Variants in RALYL observed in about 807,000 individuals in gnomAD.
RALYL encodes the protein RNA-binding Raly-like protein.
In RALYL, 29 loss-of-function variants were observed where a neutral mutation model predicts 35.1. The observed-to-expected ratio is 0.83, with a 90% CI of 0.61 to 1.13. The LOEUF (loss-of-function observed/expected upper bound fraction) is 1.13. Among genes scored for constraint, RALYL ranks in the 50% most tolerant of loss-of-function variants. The pLI is 0.00. For missense variants in RALYL, 359 were observed against 360.4 expected, an observed-to-expected ratio of 1.00 and a Z score of 0.03; for synonymous variants, 120 against 127.6, an observed-to-expected ratio of 0.94 and a Z score of 0.40.
intron 1 of RALYL, among the ~76,000 whole-genome samples, chr8:84,322,267 C>A (rs1418540474): frequency 1.3e-5 from 2 of 152,000 alleles, no homozygotes; most frequent in African/African-American, 2.4e-5. Context: ...ATTCTGTGCC[C>A]ATAACAGACC....
chr8:84,229,751 C>G (rs1419657318), intron 1 of RALYL, among the ~76,000 whole-genome samples: 3 of 152,136 alleles, frequency 2.0e-5, no homozygotes, highest in African/African-American at 7.2e-5. Flanking sequence ...CCTTGAGGTA[C>G]TTCTTGCCCA....
intron 2 of RALYL, among the ~76,000 whole-genome samples, chr8:84,539,856 ATATATATATATATATATATATG>A (rs1241402432): frequency 0.36 from 14,709 of 40,956 alleles, 1,012 homozygotes; most frequent in East Asian, 0.53. Context: ...ATATATATGT[ATATATATATATATATATATATG>A]TATATATATG....
intron 1 of RALYL, among the ~76,000 whole-genome samples, chr8:84,279,810 G>C (rs891497808): frequency 5.9e-5 from 9 of 151,972 alleles, no homozygotes; most frequent in African/African-American, 2.2e-4. Flanking sequence ...AGGGACTCTT[G>C]TGCTTATACT....
chr8:84,338,924 A>AT (rs1472443669), intron 1 of RALYL, among the ~76,000 whole-genome samples: 1 of 152,152 alleles, frequency 6.6e-6, no homozygotes, highest in Non-Finnish European at 1.5e-5. Context: ...CCCTTCAAAA[A>AT]CAAGTGTATA....
intron 1 of RALYL, among the ~76,000 whole-genome samples, chr8:84,504,688 TTAAGTAATG>T (rs2057009497): frequency 6.6e-6 from 1 of 152,146 alleles, no homozygotes; most frequent in Non-Finnish European, 1.5e-5. Context: ...TATTACATTG[TTAAGTAATG>T]TAAGCAAGTT....
chr8:84,317,289 C>T (rs1158441013), intron 1 of RALYL, among the ~76,000 whole-genome samples: 2 of 152,018 alleles, frequency 1.3e-5, no homozygotes, highest in African/African-American at 4.8e-5. Flanking sequence ...AAATCTAAAC[C>T]AAAGGACTTT....
intron 1 of RALYL, among the ~76,000 whole-genome samples, chr8:84,197,950 G>A (rs1422658859): frequency 6.6e-6 from 1 of 152,004 alleles, no homozygotes; most frequent in African/African-American, 2.4e-5. Context: ...CCAGTACCTA[G>A]ACAGTACCTG....
chr8:84,667,837 T>C (rs1409391778), intron 2 of RALYL, among the ~76,000 whole-genome samples: 1 of 152,142 alleles, frequency 6.6e-6, no homozygotes, highest in East Asian at 1.9e-4. Context: ...TTAGTGGGTG[T>C]TGGTGTTTAG....
chr8:84,287,086 C>T (rs565386152), intron 1 of RALYL, among the ~76,000 whole-genome samples: 1 of 152,288 alleles, frequency 6.6e-6, no homozygotes, highest in Admixed American at 6.5e-5. Context: ...TCATTTACTT[C>T]TCAGGACCAG....
intron 2 of RALYL, among the ~76,000 whole-genome samples, chr8:84,569,860 T>TTATTTTTG (rs1452425360): frequency 6.6e-6 from 1 of 151,888 alleles, no homozygotes; most frequent in Admixed American, 6.6e-5. Context: ...TTGCCATTCT[T>TTATTTTTG]TATTTTTGAC....
At chr8:84,604,555 C>G (rs138870479) in intron 2 of RALYL, among the ~76,000 whole-genome samples, 43 of 152,216 alleles carry the variant, frequency 2.8e-4, no homozygotes, top group African/African-American at 1.0e-3. Flanking sequence ...CTACATACTT[C>G]TAATTTGAAT....
intron 4 of RALYL, among the ~76,000 whole-genome samples, chr8:84,827,623 A>G (rs1373175621): frequency 6.6e-6 from 1 of 152,146 alleles, no homozygotes; most frequent in Non-Finnish European, 1.5e-5. Context: ...CAGTGCCATT[A>G]TAACCACATT....
At chr8:84,556,956 T>A (rs1564141215) in intron 2 of RALYL, among the ~76,000 whole-genome samples, 1 of 152,244 alleles carries the variant, frequency 6.6e-6, no homozygotes, top group Non-Finnish European at 1.5e-5. Context: ...TTGGGGTTAC[T>A]TGACGCATAG....
intron 2 of RALYL, among the ~76,000 whole-genome samples, chr8:84,657,116 C>T (rs1283442647): frequency 6.6e-6 from 1 of 152,138 alleles, no homozygotes; most frequent in Non-Finnish European, 1.5e-5. Context: ...ATTCTGTAGG[C>T]TTCCACAGAT....
chr8:84,567,503 C>CT (rs1345441318), intron 2 of RALYL, among the ~76,000 whole-genome samples: 8 of 151,868 alleles, frequency 5.3e-5, no homozygotes, highest in African/African-American at 1.9e-4. Context: ...AGGTCTCCAT[C>CT]ACCATCTATA....
intron 4 of RALYL, among the ~76,000 whole-genome samples, chr8:84,810,543 G>A (rs1825679492): frequency 6.6e-6 from 1 of 152,040 alleles, no homozygotes; most frequent in East Asian, 1.9e-4. Context: ...TTTCTTTGTT[G>A]ACTTTCTGTC....
At chr8:84,405,374 A>C (rs760909530) in intron 1 of RALYL, among the ~76,000 whole-genome samples, 1 of 152,164 alleles carries the variant, frequency 6.6e-6, no homozygotes, top group Non-Finnish European at 1.5e-5. Context: ...CATTACTGAA[A>C]GATCCAGAGA....
At chr8:84,553,264 G>C (rs1167291559) in intron 2 of RALYL, among the ~76,000 whole-genome samples, 2 of 152,088 alleles carry the variant, frequency 1.3e-5, no homozygotes, top group Non-Finnish European at 2.9e-5. Flanking sequence ...TGGGCTCGAA[G>C]GATCTTCCTG....
intron 4 of RALYL, among the ~76,000 whole-genome samples, chr8:84,841,435 G>A (rs1348472270): frequency 1.3e-5 from 2 of 151,924 alleles, no homozygotes; most frequent in Non-Finnish European, 2.9e-5. Flanking sequence ...AAATATATAT[G>A]CACCCAATAC....
Sources: gnomAD v4.1 joint callset for allele counts (sites outside exome capture counted in the v4.1 genomes callset) on GRCh38, gnomAD v4.1.1 for gene constraint, MANE v1.5 for transcripts, NCBI Gene and HGNC (gene_info 2026-07-23, HGNC 2026-07-21) for gene names.